The following NPTN variants were observed in gnomAD, a reference collection of about 807,000 sequenced individuals.
The protein encoded by NPTN is SDR-1.
A neutral mutation model predicts 42.7 loss-of-function variants in NPTN; 5 were observed. The ratio of observed to expected loss-of-function variants is 0.12; its 90% confidence interval spans 0.06 to 0.25. NPTN has a LOEUF of 0.25. Ranked by LOEUF, NPTN falls within the 10% of genes least tolerant of loss-of-function variation. NPTN has a pLI of 1.00. For missense variants in NPTN, 307 were observed against 525.4 expected (o/e 0.58, Z 4.06); for synonymous variants, 180 against 201.9 (o/e 0.89, Z 0.92).
At chr15:73,576,419 TC>T (rs578206047) in intron 4 of NPTN, among the ~76,000 whole-genome samples, 5 of 152,160 alleles carry the variant, frequency 3.3e-5, no homozygotes, top group Non-Finnish European at 7.3e-5. Context: ...ACCTCCACCT[TC>T]CGGGTTCAAG....
At chr15:73,621,146 T>A (rs1023713586) in intron 1 of NPTN, among the ~76,000 whole-genome samples, 6 of 152,042 alleles carry the variant, frequency 3.9e-5, no homozygotes, top group African/African-American at 1.4e-4. Context: ...GAGGAGAGAA[T>A]GGGGATGAAA....
At chr15:73,615,864 C>T (rs928817701) in intron 1 of NPTN, among the ~76,000 whole-genome samples, 9 of 151,964 alleles carry the variant, frequency 5.9e-5, no homozygotes, top group African/African-American at 1.9e-4. Context: ...TTCTTCCCAC[C>T]AAGAAGAGAT....
intron 1 of NPTN, among the ~76,000 whole-genome samples, chr15:73,600,129 A>G (rs374177540): frequency 3.6e-4 from 55 of 152,328 alleles, no homozygotes; most frequent in African/African-American, 1.2e-3. Context: ...CGAGTCACTC[A>G]GCCAGATCAT....
chr15:73,576,430 G>C (rs1895699936), intron 4 of NPTN, among the ~76,000 whole-genome samples: 1 of 152,146 alleles, frequency 6.6e-6, no homozygotes. Context: ...CCGGGTTCAA[G>C]TGATTCTTCT....
chr15:73,605,096 TC>T lies in NPTN; in HGVS notation c.92-7728del, dbSNP rs1897234222. On this transcript the variant is annotated intron_variant, in intron 1 of 8. Coordinates refer to ENST00000345330, the MANE Select transcript of NPTN (RefSeq NM_012428.4). ...CTGGTGACAGAGTAGAGACCCTGTCTCAAGGGGGGGGGGGGAAAAGAATGAT... is the reference window on the plus strand; with the variant it reads ...CTGGTGACAGAGTAGAGACCCTGTCTAAGGGGGGGGGGGGAAAAGAATGAT... Among the ~76,000 whole-genome samples the T allele has an allele frequency of 9.2e-5, 11 of 119,286 alleles. No individual in the cohort carries two copies. In the South Asian group the frequency reaches 3.5e-3, roughly 38 times the overall value. The allele number at this position is 119,286 out of a possible 152,430, so 78.3% of individuals were successfully genotyped here. A position where few individuals can be genotyped will look rare whatever the true frequency, so the allele number is the denominator to read the frequency against.
rs943748178 is a variant in NPTN, at chr15:73,573,851, A to C, written c.707-56T>G. On this transcript the variant is annotated intron_variant, in intron 4 of 8. Transcript: ENST00000345330. ...GGAAGTCTACTCCAAACAGGATACAAAGGCCCCACCTTCTGGCTCAGAGCC... is the reference window on the plus strand; with the variant it reads ...GGAAGTCTACTCCAAACAGGATACACAGGCCCCACCTTCTGGCTCAGAGCC... 5 of 1,590,158 alleles carry C rather than the reference A, an allele frequency of 3.1e-6. No homozygotes were observed. In the African/African-American group the frequency reaches 6.8e-5, roughly 22 times the overall value.
chr15:73,567,990 A>G (rs1354829677), intron 6 of NPTN: 1 of 985,320 alleles, frequency 1.0e-6, no homozygotes, highest in Admixed American at 6.1e-5. Context: ...CACTGTCTAT[A>G]ATAACTTAGT....
chr15:73,618,446 G>C (rs1897968205), intron 1 of NPTN, among the ~76,000 whole-genome samples: 1 of 151,850 alleles, frequency 6.6e-6, no homozygotes, highest in African/African-American at 2.4e-5. Flanking sequence ...TGTCTAAAAA[G>C]GATTAAAATA....
At chr15:73,580,409 TAA>T (rs1491190799) in intron 4 of NPTN, among the ~76,000 whole-genome samples, 34 of 102,912 alleles carry the variant, frequency 3.3e-4, no homozygotes, top group Admixed American at 9.6e-4. Flanking sequence ...ATTATATATA[TAA>T]TATATATATA....
At chr15:73,567,171 G>A (rs1397959205) in intron 6 of NPTN, 2 of 984,830 alleles carry the variant, frequency 2.0e-6, no homozygotes, top group Non-Finnish European at 2.4e-6. Flanking sequence ...TGCTTTTGTA[G>A]TAAGGGGATG....
chr15:73,614,330 T>A (rs1032498625), intron 1 of NPTN, among the ~76,000 whole-genome samples: 8 of 144,392 alleles, frequency 5.5e-5, no homozygotes, highest in East Asian at 2.1e-4. Flanking sequence ...AAAAAAAAAA[T>A]GCATATTTAT....
chr15:73,589,233 G>A (rs1339492280), intron 3 of NPTN, among the ~76,000 whole-genome samples: 2 of 152,212 alleles, frequency 1.3e-5, no homozygotes, highest in Admixed American at 6.5e-5. Context: ...GGGAGGCTAC[G>A]AGGTGGGAGG....
At chr15:73,610,116 C>T (rs1167015788) in intron 1 of NPTN, among the ~76,000 whole-genome samples, 1 of 151,616 alleles carries the variant, frequency 6.6e-6, no homozygotes, top group Non-Finnish European at 1.5e-5. Context: ...GACAGGGTCT[C>T]GCTCTTGTCA....
At chr15:73,604,746 A>G (rs1316635618) in intron 1 of NPTN, among the ~76,000 whole-genome samples, 12 of 152,238 alleles carry the variant, frequency 7.9e-5, no homozygotes, top group Non-Finnish European at 1.8e-4. Context: ...CACATGAACA[A>G]TGTACATAAA....
chr15:73,563,188 C>T (rs1305925219), intron 7 of NPTN, 48 bp downstream of exon 7: 1 of 1,285,578 alleles, frequency 7.8e-7, no homozygotes, highest in Non-Finnish European at 1.1e-6. Context: ...GCAAACACAA[C>T]ATCATTCAAT....
intron 1 of NPTN, among the ~76,000 whole-genome samples, chr15:73,619,419 C>T (rs1378616825): frequency 1.3e-5 from 2 of 152,176 alleles, no homozygotes; most frequent in African/African-American, 4.8e-5. Context: ...AAAACTCATG[C>T]TGCTAAATTT....
intron 1 of NPTN, among the ~76,000 whole-genome samples, chr15:73,607,807 A>G (rs1897360460): frequency 6.6e-6 from 1 of 152,210 alleles, no homozygotes; most frequent in South Asian, 2.1e-4. Flanking sequence ...ATGCAGCAGA[A>G]TCATTTGGAG....
chr15:73,569,208 T>G lies in NPTN; in HGVS notation c.1114+942A>C. 1.0e-6 allele frequency: 1 copy of G among 985,506 alleles called. No individual in the cohort carries two copies. Among genetic ancestry groups the G allele is most frequent in the Non-Finnish European group, 1.2e-6 (1 of 830,012 alleles). 61.0% of individuals were successfully genotyped at this position (985,506 alleles called of 1,614,324 possible). A position where few individuals can be genotyped will look rare whatever the true frequency, so the allele number is the denominator to read the frequency against. ...CCAATTAATTTCTGTACGCCGGTCA[T>G]GTTATAGGGTGGGGATGGGGAGCCA... On this transcript the variant is annotated intron_variant, in intron 6 of 8. Coordinates refer to ENST00000345330, the MANE Select transcript of NPTN (RefSeq NM_012428.4). This position sits in a 1 kb window ranked among gnomAD's most constrained non-coding sequence, Gnocchi z 4.1.
rs570936557 is a variant in NPTN at position 73,605,008 on chromosome 15, G to T, written c.92-7639C>A. Among the ~76,000 whole-genome samples, 4 of 151,626 alleles carry T rather than the reference G, an allele frequency of 2.6e-5. No individual in the cohort carries two copies. The South Asian group carries it at 8.4e-4, about 32-fold the overall frequency. On this transcript the variant is annotated intron_variant, in intron 1 of 8. Transcript: ENST00000345330. ...AGCTACTTGGAAGGCTGAGGTAAGA[G>T]GATCAATTGAGCCTGAGAGGTTGAG...
Sources: allele counts gnomAD v4.1 joint callset (sites outside exome capture counted in the v4.1 genomes callset), GRCh38; gene constraint gnomAD v4.1.1; non-coding constraint Gnocchi (gnomAD v3.1); transcripts MANE v1.5; gene names NCBI Gene and HGNC (gene_info 2026-07-23, HGNC 2026-07-21).